HK1: variants seen among roughly 807,000 people sequenced by gnomAD.
HK1 encodes hexokinase 1.
A neutral mutation model predicts 91.6 loss-of-function variants in HK1; 28 were observed. That is an observed-to-expected ratio of 0.31 (90% confidence interval 0.23 to 0.42). HK1 has a LOEUF of 0.42. HK1 is among the 10% of genes least tolerant of loss of function. The probability of loss-of-function intolerance (pLI) is 1.00; values close to 1 mark genes in which losing one functional copy is unlikely to be tolerated. For synonymous variants in HK1, 430 were observed against 468.1 expected, an observed-to-expected ratio of 0.92 and a Z score of 1.05; for missense variants, 770 against 1,219.8, an observed-to-expected ratio of 0.63 and a Z score of 5.49.
rs1385514508 is a variant in HK1 at position 69,380,718 on chromosome 10, C to G, written c.1265+623C>G. On this transcript the variant is annotated intron_variant, in intron 9 of 17. Transcript: ENST00000359426. The surrounding 1 kb of genome is among the most constrained non-coding windows in gnomAD (Gnocchi z 4.0). ...AGGAGGTGCTTTGTTCCCCACACAG[C>G]CTTCTGGTCTGTCAGTGGCCCCAGC... Among the ~76,000 whole-genome samples the G allele has an allele frequency of 1.3e-5, 2 of 152,208 alleles. No individual in the cohort carries two copies. The highest frequency in any genetic ancestry group is 2.9e-5 in the Non-Finnish European group (2 of 68,042).
intron 1 of HK1, among the ~76,000 whole-genome samples, chr10:69,336,722 C>T (rs1229977652): frequency 2.7e-5 from 4 of 150,090 alleles, no homozygotes; most frequent in South Asian, 2.1e-4. Flanking sequence ...TCACTGCAAC[C>T]TCTGCCTCCT....
intron 4 of HK1, among the ~76,000 whole-genome samples, chr10:69,365,970 A>G (rs1387787731): frequency 6.6e-6 from 1 of 152,074 alleles, no homozygotes; most frequent in Non-Finnish European, 1.5e-5. Context: ...TGCTGGGATT[A>G]CAGGTGCCCA....
At chr10:69,278,928 T>G (rs1221207465) in intron 1 of HK1, 1 of 152,262 alleles carries the variant, frequency 6.6e-6, no homozygotes, top group African/African-American at 2.4e-5. Context: ...GTTACATTTT[T>G]GTCCGGCATC....
intron 1 of HK1, among the ~76,000 whole-genome samples, chr10:69,327,462 C>G (rs1847450768): frequency 6.6e-6 from 1 of 152,220 alleles, no homozygotes; most frequent in South Asian, 2.1e-4. Flanking sequence ...GTTAATTCAT[C>G]TATTCTGCTT....
chr10:69,307,570 G>A (rs1846163006), intron 5 of HK1, among the ~76,000 whole-genome samples: 1 of 152,132 alleles, frequency 6.6e-6, no homozygotes, highest in South Asian at 2.1e-4. Context: ...GCCTTGGCTT[G>A]GATCCCAGCT....
chr10:69,302,178 C>G (rs1048196686), intron 5 of HK1, among the ~76,000 whole-genome samples: 1 of 150,700 alleles, frequency 6.6e-6, no homozygotes, highest in African/African-American at 2.4e-5. Context: ...ACCTGGGAGG[C>G]AGAGGTTGCG....
intron 5 of HK1, among the ~76,000 whole-genome samples, chr10:69,304,917 T>A (rs1181864451): frequency 6.6e-6 from 1 of 152,144 alleles, no homozygotes; most frequent in African/African-American, 2.4e-5. Context: ...GAAGTCCAAA[T>A]TCAAGGTGTT....
chr10:69,318,504 G>A (rs1205894167), upstream of HK1, among the ~76,000 whole-genome samples: 1 of 152,176 alleles, frequency 6.6e-6, no homozygotes, highest in Non-Finnish European at 1.5e-5. Context: ...CCTGCGCCTC[G>A]CACCTCCCCG....
At chr10:69,366,945 G>T (rs890985496) in intron 4 of HK1, among the ~76,000 whole-genome samples, 1 of 152,226 alleles carries the variant, frequency 6.6e-6, no homozygotes, top group Non-Finnish European at 1.5e-5. Flanking sequence ...CTAGGCCCTG[G>T]GAGAGAATGG....
intron 2 of HK1, among the ~76,000 whole-genome samples, chr10:69,348,456 G>A (rs1848680995): frequency 6.6e-6 from 1 of 152,232 alleles, no homozygotes; most frequent in African/African-American, 2.4e-5. Context: ...AAGGCGTGGA[G>A]TTCCCATCAT....
At chr10:69,341,191 T>C (rs893933731) in intron 1 of HK1, among the ~76,000 whole-genome samples, 3 of 151,906 alleles carry the variant, frequency 2.0e-5, no homozygotes, top group Non-Finnish European at 4.4e-5. Flanking sequence ...AGACTGGATC[T>C]AAGTCTGTCA....
intron 1 of HK1, 119 bp from the exon 2 acceptor site, chr10:69,343,708 G>C: frequency 1.3e-6 from 1 of 797,430 alleles, no homozygotes; most frequent in African/African-American, 1.7e-5. Flanking sequence ...TCCGCCATGC[G>C]ATGTGCCAGC....
intron 3 of HK1, among the ~76,000 whole-genome samples, chr10:69,360,837 G>T (rs1007969259): frequency 1.6e-4 from 24 of 152,192 alleles, no homozygotes; most frequent in African/African-American, 5.5e-4. Context: ...CGTGGGGCAA[G>T]GTGCACTCCT....
At chr10:69,338,788 T>TAG in intron 1 of HK1, 1 of 936,754 alleles carries the variant, frequency 1.1e-6, no homozygotes, top group Non-Finnish European at 1.4e-6. Flanking sequence ...TGTGTGTGTG[T>TAG]AGAGAGAGAG....
intron 1 of HK1, among the ~76,000 whole-genome samples, chr10:69,281,313 C>G (rs1389795919): frequency 1.2e-4 from 18 of 152,202 alleles, no homozygotes; most frequent in Admixed American, 1.2e-3. Flanking sequence ...AGGGACCACA[C>G]TTTGAGAACC....
chr10:69,384,613 C>T lies in HK1; in HGVS notation c.1719+132C>T, dbSNP rs890634151. On this transcript the variant is annotated intron_variant, in intron 11 of 17. Transcript: ENST00000359426. ...CCTTGTGGCCCAGAAGCACCAGATG[C>T]TTTTTGCCATGCCTGGCTTGTGACA... is the stretch of plus-strand genomic sequence containing the variant. The T allele has an allele frequency of 4.2e-6, 6 of 1,433,738 alleles. No homozygotes were observed. The African/African-American group carries it at 7.0e-5, about 17-fold the overall frequency. The allele number at this position is 1,433,738 out of a possible 1,614,324, so 88.8% of individuals were successfully genotyped here.
At chr10:69,291,948 G>C (rs1845314878) in intron 3 of HK1, among the ~76,000 whole-genome samples, 1 of 152,206 alleles carries the variant, frequency 6.6e-6, no homozygotes, top group African/African-American at 2.4e-5. Flanking sequence ...GGGGGTGTCA[G>C]TGTAAGGCCT....
intron 1 of HK1, among the ~76,000 whole-genome samples, chr10:69,339,482 G>A (rs1365145744): frequency 6.6e-6 from 1 of 152,196 alleles, no homozygotes; most frequent in East Asian, 1.9e-4. Flanking sequence ...TCTGAGAGGG[G>A]TTGTACCTCA....
rs188979611 is a variant in HK1, at chr10:69,385,266, G to A, written c.1839+351G>A. Among the ~76,000 whole-genome samples, 54 of 152,256 alleles carry A rather than the reference G, an allele frequency of 3.5e-4. 1 individual carries two copies. Among genetic ancestry groups the A allele is most frequent in the Admixed American group, 3.3e-3 (51 of 15,296 alleles). On this transcript the variant is annotated intron_variant, in intron 12 of 17. Coordinates refer to ENST00000359426, the MANE Select transcript of HK1 (RefSeq NM_000188.3). ...TTTGTTTCTGCTAGTGGTAGACTCCGTGAGCAAGGACCTGTATCCCTGCAC... is the reference window on the plus strand; with the variant it reads ...TTTGTTTCTGCTAGTGGTAGACTCCATGAGCAAGGACCTGTATCCCTGCAC...
Sources: gnomAD v4.1 joint callset for allele counts (sites outside exome capture counted in the v4.1 genomes callset) on GRCh38, gnomAD v4.1.1 for gene constraint, Gnocchi (gnomAD v3.1) non-coding constraint, MANE v1.5 for transcripts, NCBI Gene and HGNC (gene_info 2026-07-23, HGNC 2026-07-21) for gene names.